Variants in COLEC10 observed in about 807,000 individuals in gnomAD.
COLEC10 encodes the protein collectin subfamily member 10, also known as collectin-10.
Under a neutral mutation model 28.4 loss-of-function variants are expected in COLEC10, and 22 were observed. That is an observed-to-expected ratio of 0.78 (90% CI 0.55 to 1.11). The LOEUF (loss-of-function observed/expected upper bound fraction) is 1.11, where lower values mean the gene tolerates loss of function less well. COLEC10 is among the 50% of genes least tolerant of loss of function. The pLI is 0.00. For missense variants in COLEC10, 361 were observed against 344.1 expected (o/e 1.05, Z -0.39); for synonymous variants, 125 against 116.1 (o/e 1.08, Z -0.49).
chr8:119,043,791 T>G (rs1238572213), intron 2 of COLEC10, among the ~76,000 whole-genome samples: 1 of 152,238 alleles, frequency 6.6e-6, no homozygotes, highest in Non-Finnish European at 1.5e-5. Context: ...GAAGAAAGCT[T>G]AATGTTGTTT....
chr8:119,059,294 G>A (rs1205395847), intron 2 of COLEC10, among the ~76,000 whole-genome samples: 2 of 151,706 alleles, frequency 1.3e-5, no homozygotes, highest in East Asian at 3.9e-4. Context: ...CAAGGTTGCA[G>A]AGGTCTTCTC....
chr8:119,026,599 C>T (rs947929841), intron 2 of COLEC10, among the ~76,000 whole-genome samples: 25 of 152,030 alleles, frequency 1.6e-4, no homozygotes, highest in Admixed American at 6.6e-5. Context: ...GGTAGCTCTG[C>T]CATTTGGTGG....
intron 1 of COLEC10, among the ~76,000 whole-genome samples, chr8:119,079,001 ACACACACACACACACACACAC>A (rs1419077003): frequency 1.5e-4 from 2 of 12,956 alleles, no homozygotes; most frequent in African/African-American, 3.0e-3. Flanking sequence ...ACACACACAC[ACACACACACACACACACACAC>A]ACACACACAC....
chr8:118,999,878 G>A (rs756213610), intron 1 of COLEC10, among the ~76,000 whole-genome samples: 74 of 147,486 alleles, frequency 5.0e-4, no homozygotes, highest in Non-Finnish European at 8.6e-4. Context: ...GCAGGAAGTG[G>A]AAGCAATGAA....
chr8:119,085,599 C>CTTCTTTTTTTTTTTTTTTTTTTTTTT (rs1563739053), intron 1 of COLEC10, among the ~76,000 whole-genome samples: 1 of 63,554 alleles, frequency 1.6e-5, no homozygotes, highest in East Asian at 5.9e-4. Context: ...TCTTCTTCTT[C>CTTCTTTTTTTTTTTTTTTTTTTTTTT]TTTTTTTTTT....
chr8:118,953,271 T>C, the COLEC10 span, among the ~76,000 whole-genome samples: 1 of 152,234 alleles, frequency 6.6e-6, no homozygotes, highest in Non-Finnish European at 1.5e-5. Context: ...TCAGTGAGTG[T>C]GGACAAAATT....
At chr8:119,013,698 G>A (rs150929201) in intron 2 of COLEC10, among the ~76,000 whole-genome samples, 1,644 of 150,686 alleles carry the variant, frequency 0.011, 23 homozygotes, top group Non-Finnish European at 0.017. Context: ...TTTAAAAACT[G>A]ATCAGTTCTT....
At position 119,048,008 on chromosome 8, in the gene COLEC10, G is replaced by T. The variant is rs185341630; in HGVS notation, n.235+38455G>T. Among the ~76,000 whole-genome samples, 173 of 152,226 alleles carry T rather than the reference G, an allele frequency of 1.1e-3. 2 individuals are homozygous for T. Among genetic ancestry groups the T allele is most frequent in the South Asian group, 8.9e-3 (43 of 4,830 alleles). On this transcript the variant is annotated intron_variant and non_coding_transcript_variant, in intron 2 of 6. Transcript: ENST00000521788. ...CATAAGAGTATTTGAAAAGTTGGGG[G>T]TTTTTTAAATTATCTTTTTCCAGCT...
chr8:119,061,751 A>G (rs931726063), intron 2 of COLEC10, among the ~76,000 whole-genome samples: 2 of 152,018 alleles, frequency 1.3e-5, no homozygotes, highest in African/African-American at 2.4e-5. Flanking sequence ...GGATGAAACC[A>G]AGAAAAAAAA....
the COLEC10 span, among the ~76,000 whole-genome samples, chr8:118,958,886 G>A: frequency 6.6e-6 from 1 of 152,246 alleles, no homozygotes; most frequent in South Asian, 2.1e-4. Context: ...TATATAAATG[G>A]GCTTGTCCTT....
intron 3 of COLEC10, among the ~76,000 whole-genome samples, chr8:119,094,342 A>G (rs1471116972): frequency 2.0e-5 from 3 of 152,244 alleles, no homozygotes. Context: ...TAATTTACAT[A>G]TAACACCAAT....
At chr8:118,966,198 T>C in the COLEC10 span, among the ~76,000 whole-genome samples, 2 of 152,144 alleles carry the variant, frequency 1.3e-5, no homozygotes, top group African/African-American at 4.8e-5. Flanking sequence ...TAGATCCTTA[T>C]AAAGCACTTA....
At chr8:119,035,062 T>G (rs940517655) in intron 2 of COLEC10, among the ~76,000 whole-genome samples, 1 of 152,176 alleles carries the variant, frequency 6.6e-6, no homozygotes, top group Non-Finnish European at 1.5e-5. Context: ...AACACTTTCT[T>G]CTACCTTGAA....
intron 2 of COLEC10, among the ~76,000 whole-genome samples, chr8:119,023,462 G>T (rs1195410688): frequency 6.6e-6 from 1 of 152,156 alleles, no homozygotes; most frequent in Non-Finnish European, 1.5e-5. Context: ...AAAAAAGGCA[G>T]AGAGGTACAA....
chr8:118,991,588 C>T (rs1203804012), upstream of COLEC10, among the ~76,000 whole-genome samples: 1 of 152,078 alleles, frequency 6.6e-6, no homozygotes, highest in Non-Finnish European at 1.5e-5. Flanking sequence ...CTGGTCTATG[C>T]ACTCACCATA....
chr8:119,001,879 G>T (rs914097888), intron 1 of COLEC10, among the ~76,000 whole-genome samples: 2 of 152,156 alleles, frequency 1.3e-5, no homozygotes, highest in Non-Finnish European at 1.5e-5. Context: ...TAAAGTTTAT[G>T]ATTTACAATA....
chr8:119,017,619 G>C (rs1814017588), intron 2 of COLEC10, among the ~76,000 whole-genome samples: 1 of 152,150 alleles, frequency 6.6e-6, no homozygotes, highest in Non-Finnish European at 1.5e-5. Context: ...GGAAATTGCT[G>C]TCATATATCA....
intron 1 of COLEC10, among the ~76,000 whole-genome samples, chr8:119,089,000 A>C (rs372961234): frequency 6.6e-6 from 1 of 152,192 alleles, no homozygotes; most frequent in African/African-American, 2.4e-5. Flanking sequence ...CTGAGACTTC[A>C]GTCAAATCTC....
intron 2 of COLEC10, among the ~76,000 whole-genome samples, chr8:119,028,016 A>T (rs1476270905): frequency 6.6e-6 from 1 of 152,164 alleles, no homozygotes; most frequent in African/African-American, 2.4e-5. Flanking sequence ...TGTGTCAAGG[A>T]TCTGTGTGAG....
Sources: gnomAD v4.1 joint callset for allele counts (sites outside exome capture counted in the v4.1 genomes callset) on GRCh38, gnomAD v4.1.1 for gene constraint, MANE v1.5 for transcripts, NCBI Gene and HGNC (gene_info 2026-07-23, HGNC 2026-07-21) for gene names.